SPAG16: variants seen among roughly 807,000 people sequenced by gnomAD.
SPAG16 encodes sperm associated antigen 16.
Under a neutral mutation model 80.4 loss-of-function variants are expected in SPAG16, and 86 were observed. The observed-to-expected ratio is 1.07, with a 90% CI of 0.90 to 1.28. SPAG16 has a LOEUF of 1.28. Ranked by LOEUF, SPAG16 falls within the 50% of genes most tolerant of loss-of-function variation. The probability of loss-of-function intolerance (pLI) is 0.00; values close to 1 mark genes in which losing one functional copy is unlikely to be tolerated. For synonymous variants in SPAG16, 294 were observed against 265.9 expected (o/e 1.11, Z -1.03); for missense variants, 870 against 765.3 (o/e 1.14, Z -1.61).
At chr2:213,454,745 A>G (rs1446284068) in intron 9 of SPAG16, among the ~76,000 whole-genome samples, 1 of 152,174 alleles carries the variant, frequency 6.6e-6, no homozygotes, top group Non-Finnish European at 1.5e-5. Flanking sequence ...AGTTTTTCTC[A>G]TAAGCCTAAC....
At chr2:214,166,555 A>T (rs539354418) in intron 15 of SPAG16, among the ~76,000 whole-genome samples, 1 of 151,794 alleles carries the variant, frequency 6.6e-6, no homozygotes, top group Non-Finnish European at 1.5e-5. Flanking sequence ...GTCAGTAACA[A>T]CTCTTCACTG....
chr2:213,684,898 A>G (rs1211701142), intron 10 of SPAG16, among the ~76,000 whole-genome samples: 1 of 152,234 alleles, frequency 6.6e-6, no homozygotes, highest in Non-Finnish European at 1.5e-5. Context: ...AAGTCATACT[A>G]CAATGCAAAA....
chr2:213,365,274 T>A (rs1006367399), intron 8 of SPAG16: 1 of 152,188 alleles, frequency 6.6e-6, no homozygotes, highest in African/African-American at 2.4e-5. Flanking sequence ...AACCTACCCT[T>A]AAGTAGCTAA....
intron 9 of SPAG16, among the ~76,000 whole-genome samples, chr2:213,404,801 A>G (rs1339474651): frequency 2.0e-5 from 3 of 152,130 alleles, no homozygotes. Flanking sequence ...CTAATGAGTA[A>G]TTGTATGTTT....
intron 10 of SPAG16, among the ~76,000 whole-genome samples, chr2:213,584,178 T>C (rs897228432): frequency 1.3e-5 from 2 of 152,170 alleles, no homozygotes; most frequent in African/African-American, 2.4e-5. Flanking sequence ...CATTTCTTCA[T>C]TGGATTTTTT....
chr2:213,934,654 A>G (rs1414571993), intron 12 of SPAG16, among the ~76,000 whole-genome samples: 1 of 152,216 alleles, frequency 6.6e-6, no homozygotes, highest in African/African-American at 2.4e-5. Flanking sequence ...AATGATATTT[A>G]TTAGCCTCAA....
chr2:213,347,912 T>C lies in SPAG16; in HGVS notation c.645-2616T>C, dbSNP rs1005886149. Among the ~76,000 whole-genome samples the C allele has an allele frequency of 3.0e-3, 450 of 152,140 alleles. 2 individuals are homozygous for C. Among genetic ancestry groups the C allele is most frequent in the Non-Finnish European group, 3.8e-3 (256 of 67,958 alleles). On this transcript the variant is annotated intron_variant, in intron 6 of 15. Transcript: ENST00000331683. Reference sequence around the variant, plus strand: ...AGATGTCTATTAGGTCTGCTTGGTGTGGAGCTGAGTTCAATTCCTGGATAT... The same window carrying C: ...AGATGTCTATTAGGTCTGCTTGGTGCGGAGCTGAGTTCAATTCCTGGATAT...
intron 15 of SPAG16, among the ~76,000 whole-genome samples, chr2:214,335,512 C>A (rs1697219636): frequency 6.6e-6 from 1 of 151,494 alleles, no homozygotes; most frequent in Non-Finnish European, 1.5e-5. Flanking sequence ...AACCTTTCCA[C>A]ATTTAAGTAA....
At chr2:213,288,859 A>G (rs1390126093) in intron 1 of SPAG16, among the ~76,000 whole-genome samples, 1 of 152,136 alleles carries the variant, frequency 6.6e-6, no homozygotes, top group Non-Finnish European at 1.5e-5. Flanking sequence ...ACTGGAACTT[A>G]ATTTGTGCAT....
chr2:213,691,685 CTCTT>C (rs1411029455), intron 10 of SPAG16, among the ~76,000 whole-genome samples: 1 of 152,178 alleles, frequency 6.6e-6, no homozygotes, highest in Non-Finnish European at 1.5e-5. Flanking sequence ...TAATCTCTTG[CTCTT>C]TGTCTTTTTC....
chr2:213,706,149 G>A (rs570340259), intron 10 of SPAG16, among the ~76,000 whole-genome samples: 1 of 152,314 alleles, frequency 6.6e-6, no homozygotes, highest in East Asian at 1.9e-4. Context: ...AGATTTTGAA[G>A]TCATCATGGA....
intron 9 of SPAG16, among the ~76,000 whole-genome samples, chr2:213,392,087 T>C (rs544889553): frequency 6.6e-6 from 1 of 152,340 alleles, no homozygotes; most frequent in East Asian, 1.9e-4. Context: ...CCAGTTATTA[T>C]ATAAAATAGG....
intron 10 of SPAG16, among the ~76,000 whole-genome samples, chr2:213,573,342 A>G (rs2059997551): frequency 6.6e-6 from 1 of 152,224 alleles, no homozygotes; most frequent in Non-Finnish European, 1.5e-5. Context: ...TAGAACAATC[A>G]TTTTTATTTC....
At chr2:213,424,379 A>C (rs368434276) in intron 9 of SPAG16, among the ~76,000 whole-genome samples, 1 of 152,214 alleles carries the variant, frequency 6.6e-6, no homozygotes, top group African/African-American at 2.4e-5. Flanking sequence ...ATATATATTT[A>C]ATCACATTTA....
chr2:214,335,160 A>G (rs1330960041), intron 15 of SPAG16, among the ~76,000 whole-genome samples: 1 of 152,196 alleles, frequency 6.6e-6, no homozygotes, highest in African/African-American at 2.4e-5. Flanking sequence ...GAATGTGACC[A>G]GGTCCTGTAC....
At chr2:214,273,888 G>C (rs1372280215) in intron 15 of SPAG16, among the ~76,000 whole-genome samples, 1 of 152,170 alleles carries the variant, frequency 6.6e-6, no homozygotes, top group Admixed American at 6.6e-5. Flanking sequence ...ACCCTGTGCA[G>C]TATGGCCATT....
intron 15 of SPAG16, among the ~76,000 whole-genome samples, chr2:214,407,655 T>C (rs566104559): frequency 2.0e-5 from 3 of 152,272 alleles, no homozygotes; most frequent in African/African-American, 7.2e-5. Context: ...TCTCTATAAA[T>C]GCTCCACTTT....
chr2:214,233,793 T>TA lies in SPAG16; in HGVS notation c.1720+84535dup, dbSNP rs541208013. ...TCCTCCAATCCTGTACATGAGGATG[T>TA]AAAAAAAATTATGAGGTATAATTAC... On this transcript the variant is annotated intron_variant, in intron 15 of 15. Transcript: ENST00000331683. 6.6e-5 allele frequency among the ~76,000 whole-genome samples: 10 copies of TA among 152,188 alleles called. No individual in the cohort carries two copies. The South Asian group carries it at 1.5e-3, about 22-fold the overall frequency.
chr2:213,786,602 C>A (rs1448203421), intron 10 of SPAG16, among the ~76,000 whole-genome samples: 6 of 152,058 alleles, frequency 3.9e-5, no homozygotes, highest in Non-Finnish European at 2.9e-5. Context: ...CTTGGTATGA[C>A]AAACACTTTG....
Sources: allele counts gnomAD v4.1 joint callset (sites outside exome capture counted in the v4.1 genomes callset), GRCh38; gene constraint gnomAD v4.1.1; transcripts MANE v1.5; gene names NCBI Gene and HGNC (gene_info 2026-07-23, HGNC 2026-07-21).